The following NTM variants were observed in gnomAD, a reference collection of about 807,000 sequenced individuals.
The protein encoded by NTM is neurotrimin.
NTM carries 13 observed loss-of-function variants against 42.1 expected under a neutral mutation model. That is an observed-to-expected ratio of 0.31 (90% CI 0.20 to 0.49). The LOEUF (loss-of-function observed/expected upper bound fraction) is 0.49. NTM is among the 20% of genes least tolerant of loss of function. The probability of loss-of-function intolerance (pLI) is 0.99; values close to 1 mark genes in which losing one functional copy is unlikely to be tolerated. For synonymous variants in NTM, 187 were observed against 179.2 expected (o/e 1.04, Z -0.35); for missense variants, 373 against 452.8 (o/e 0.82, Z 1.60).
At chr11:132,015,084 G>A (rs767291520) in intron 2 of NTM, among the ~76,000 whole-genome samples, 4 of 151,502 alleles carry the variant, frequency 2.6e-5, no homozygotes, top group African/African-American at 4.8e-5. Flanking sequence ...TGAGTGATGG[G>A]GTCTAGTTTC....
chr11:132,010,138 C>T (rs2071795896), intron 2 of NTM, among the ~76,000 whole-genome samples: 2 of 152,166 alleles, frequency 1.3e-5, no homozygotes, highest in African/African-American at 2.4e-5. Flanking sequence ...CATGTAATAC[C>T]TCAGCAGCTT....
At chr11:131,391,644 G>GGA (rs1565455663) in intron 1 of NTM, among the ~76,000 whole-genome samples, 2 of 81,560 alleles carry the variant, frequency 2.5e-5, no homozygotes, top group Non-Finnish European at 2.2e-5. Context: ...TTTTATCTGG[G>GGA]AAAAAAAAAA....
chr11:132,107,517 C>CA lies in NTM; in HGVS notation c.168-38765_168-38764insA, dbSNP rs1555264295. The stretch of plus-strand genomic sequence containing the variant: ...AGGTGCACCACTATGCCTGGCTAAT[C>CA]TTTTTTTTTCCTTTATTTAAAAAAA... On this transcript the variant is annotated intron_variant, in intron 2 of 8. Transcript: ENST00000683400. 9.5e-5 allele frequency among the ~76,000 whole-genome samples: 14 copies of CA among 148,124 alleles called. No homozygotes were observed. In the East Asian group the frequency reaches 2.8e-3, roughly 29 times the overall value.
intron 3 of NTM, among the ~76,000 whole-genome samples, chr11:132,170,962 A>G (rs2076032799): frequency 6.6e-6 from 1 of 152,142 alleles, no homozygotes; most frequent in Non-Finnish European, 1.5e-5. Context: ...TAGAGCAAGT[A>G]TCACCTGCAT....
intron 2 of NTM, among the ~76,000 whole-genome samples, chr11:132,135,705 G>A (rs1164509370): frequency 6.6e-6 from 1 of 152,240 alleles, no homozygotes; most frequent in Admixed American, 6.5e-5. Context: ...AGGCTGGGCT[G>A]TCAGAAGCAG....
chr11:131,713,193 G>A (rs1012106584), intron 1 of NTM, among the ~76,000 whole-genome samples: 1 of 152,120 alleles, frequency 6.6e-6, no homozygotes, highest in African/African-American at 2.4e-5. Context: ...AATGTTTAGA[G>A]CAACAAAACG....
chr11:131,808,353 G>T (rs377642109), intron 1 of NTM, among the ~76,000 whole-genome samples: 2 of 152,028 alleles, frequency 1.3e-5, no homozygotes, highest in Non-Finnish European at 2.9e-5. Context: ...TCATTTGTTC[G>T]ATCAGGATTC....
chr11:132,328,965 T>C (rs1328638575), intron 7 of NTM, among the ~76,000 whole-genome samples: 1 of 152,182 alleles, frequency 6.6e-6, no homozygotes, highest in Non-Finnish European at 1.5e-5. Context: ...CACAAAACTT[T>C]TGATCGTCGA....
intron 3 of NTM, chr11:132,211,720 G>C (rs1426650848): frequency 1.5e-5 from 4 of 259,774 alleles, no homozygotes; most frequent in Non-Finnish European, 3.0e-5. Context: ...GATATGTGTT[G>C]GAGGTGGGTG....
At chr11:131,551,576 A>C (rs2054677874) in intron 1 of NTM, among the ~76,000 whole-genome samples, 1 of 152,168 alleles carries the variant, frequency 6.6e-6, no homozygotes, top group Non-Finnish European at 1.5e-5. Flanking sequence ...AGACACATGA[A>C]ATCATGAACC....
intron 2 of NTM, among the ~76,000 whole-genome samples, chr11:131,948,384 A>AAAAACAAAAAAAAT (rs150331176): frequency 2.0e-5 from 3 of 147,518 alleles, no homozygotes; most frequent in Admixed American, 2.0e-4. Context: ...AAAAAAACAA[A>AAAAACAAAAAAAAT]AAAACAAAAA....
At chr11:131,510,891 C>T (rs117286747) in intron 1 of NTM, among the ~76,000 whole-genome samples, 2,101 of 152,278 alleles carry the variant, frequency 0.014, 31 homozygotes, top group Non-Finnish European at 0.022. Context: ...GGAAGAGCTC[C>T]CTCTGCAGCA....
At chr11:132,283,525 G>A (rs73597267) in intron 4 of NTM, among the ~76,000 whole-genome samples, 3,090 of 152,124 alleles carry the variant, frequency 0.02, 82 homozygotes, top group African/African-American at 0.07. Context: ...CAAGGAGCTC[G>A]GGATGATGTG....
chr11:132,003,223 G>T lies in NTM; in HGVS notation c.167+91575G>T, dbSNP rs1054395004. 1.3e-5 allele frequency among the ~76,000 whole-genome samples: 2 copies of T among 151,188 alleles called. No homozygotes were observed. The highest frequency in any genetic ancestry group is 2.9e-5 in the Non-Finnish European group (2 of 67,958). On this transcript the variant is annotated intron_variant, in intron 2 of 8. Transcript: ENST00000683400. The surrounding 1 kb of genome is among the most constrained non-coding windows in gnomAD (Gnocchi z 6.0). ...AACACCTGGAGGCTTGTTGAATCCG[G>T]ATTCCTCCACCCACACCCTTAGAGT...
At chr11:131,550,816 A>G (rs1437090014) in intron 1 of NTM, among the ~76,000 whole-genome samples, 1 of 152,088 alleles carries the variant, frequency 6.6e-6, no homozygotes. Context: ...AGCCTGGGCA[A>G]TAGAGCAATA....
intron 1 of NTM, among the ~76,000 whole-genome samples, chr11:131,398,608 ATGT>A (rs1944805736): frequency 6.6e-6 from 1 of 152,186 alleles, no homozygotes; most frequent in Non-Finnish European, 1.5e-5. Flanking sequence ...TTGGACATTT[ATGT>A]TGTTCTAATT....
chr11:131,685,411 G>A (rs2134917688), intron 1 of NTM, among the ~76,000 whole-genome samples: 1 of 149,366 alleles, frequency 6.7e-6, no homozygotes, highest in Admixed American at 6.6e-5. Context: ...AGAACTGAAT[G>A]GCAATGTGGG....
chr11:132,262,937 A>C (rs938200996), intron 4 of NTM, among the ~76,000 whole-genome samples: 1 of 152,228 alleles, frequency 6.6e-6, no homozygotes, highest in African/African-American at 2.4e-5. Flanking sequence ...GTATTTCCAA[A>C]ATACAATAGT....
intron 3 of NTM, among the ~76,000 whole-genome samples, chr11:132,187,100 G>A (rs965713735): frequency 2.2e-4 from 34 of 152,162 alleles, no homozygotes; most frequent in African/African-American, 8.2e-4. Flanking sequence ...GGCTACCCAT[G>A]CCCTTTCTAA....
Sources: gnomAD v4.1 joint callset for allele counts (sites outside exome capture counted in the v4.1 genomes callset) on GRCh38, gnomAD v4.1.1 for gene constraint, Gnocchi (gnomAD v3.1) non-coding constraint, MANE v1.5 for transcripts, NCBI Gene and HGNC (gene_info 2026-07-23, HGNC 2026-07-21) for gene names.